Variants in HPSE2 observed in about 807,000 individuals in gnomAD.
HPSE2 encodes heparanase 2 (inactive), also known as inactive heparanase-2.
In HPSE2, 38 loss-of-function variants were observed where a neutral mutation model predicts 60.5. The ratio of observed to expected loss-of-function variants is 0.63; its 90% CI spans 0.48 to 0.82. HPSE2 has a LOEUF of 0.82. Among genes scored for constraint, HPSE2 ranks in the 40% least tolerant of loss-of-function variants. The pLI, the probability that HPSE2 is intolerant of heterozygous loss-of-function variation, is 0.00. For synonymous variants in HPSE2, 295 were observed against 293.2 expected (o/e 1.01, Z -0.06); for missense variants, 713 against 740.4 (o/e 0.96, Z 0.43).
chr10:98,598,356 G>C (rs949416153), intron 9 of HPSE2, among the ~76,000 whole-genome samples: 1 of 151,802 alleles, frequency 6.6e-6, no homozygotes, highest in African/African-American at 2.4e-5. Flanking sequence ...AGTCCTCAGG[G>C]CTGGGCCTGG....
intron 3 of HPSE2, among the ~76,000 whole-genome samples, chr10:98,785,579 C>T (rs1454613004): frequency 1.6e-5 from 2 of 122,982 alleles, no homozygotes; most frequent in Non-Finnish European, 3.4e-5. Flanking sequence ...GTCCTGGACT[C>T]TTTTTGGTTG....
At chr10:99,307,460 C>T in the HPSE2 span, among the ~76,000 whole-genome samples, 1 of 152,130 alleles carries the variant, frequency 6.6e-6, no homozygotes, top group African/African-American at 2.4e-5. Flanking sequence ...TGATACATGG[C>T]CCATCACTCA....
At chr10:99,194,621 G>A (rs936606575) in intron 2 of HPSE2, among the ~76,000 whole-genome samples, 26 of 151,042 alleles carry the variant, frequency 1.7e-4, no homozygotes, top group African/African-American at 4.9e-5. Context: ...GGCTACCTGA[G>A]AAACTACATG....
chr10:98,559,009 A>C (rs966664919), intron 9 of HPSE2, among the ~76,000 whole-genome samples: 7 of 152,140 alleles, frequency 4.6e-5, no homozygotes, highest in African/African-American at 1.7e-4. Context: ...TGTCCCTGGG[A>C]ATCGAAGCCT....
At chr10:98,817,792 T>C (rs183213684) in intron 3 of HPSE2, among the ~76,000 whole-genome samples, 1 of 152,328 alleles carries the variant, frequency 6.6e-6, no homozygotes, top group Admixed American at 6.5e-5. Flanking sequence ...TCCTATACAC[T>C]TTGGACAAAA....
At chr10:98,872,216 T>C (rs532256303) in intron 3 of HPSE2, among the ~76,000 whole-genome samples, 1 of 152,152 alleles carries the variant, frequency 6.6e-6, no homozygotes, top group South Asian at 2.1e-4. Context: ...AAATGGAATA[T>C]AATCAAATTC....
At chr10:99,021,669 C>G (rs1957266128) in intron 3 of HPSE2, among the ~76,000 whole-genome samples, 2 of 152,028 alleles carry the variant, frequency 1.3e-5, no homozygotes, top group Middle Eastern at 6.8e-3. Flanking sequence ...AATGCAAGTC[C>G]TTTCCAATTT....
At chr10:98,671,596 C>T (rs1310999006) in intron 6 of HPSE2, among the ~76,000 whole-genome samples, 2 of 152,128 alleles carry the variant, frequency 1.3e-5, no homozygotes, top group African/African-American at 4.8e-5. Flanking sequence ...TTTGCTAATA[C>T]ACTTTGTAAT....
At chr10:98,951,001 G>C (rs1225842337) in intron 3 of HPSE2, among the ~76,000 whole-genome samples, 1 of 152,144 alleles carries the variant, frequency 6.6e-6, no homozygotes, top group Non-Finnish European at 1.5e-5. Flanking sequence ...AAGTTCACGA[G>C]ATGACAATCC....
chr10:98,566,890 G>C (rs1371925361), intron 9 of HPSE2, among the ~76,000 whole-genome samples: 1 of 152,122 alleles, frequency 6.6e-6, no homozygotes, highest in Non-Finnish European at 1.5e-5. Flanking sequence ...ATTATAGAAG[G>C]TCAAATTCTT....
chr10:98,497,536 G>T (rs1208137270), intron 9 of HPSE2, among the ~76,000 whole-genome samples: 4 of 151,966 alleles, frequency 2.6e-5, no homozygotes, highest in Non-Finnish European at 4.4e-5. Context: ...AATATCTACA[G>T]ATTCAAGTCT....
chr10:98,531,224 T>C (rs1187326887), intron 9 of HPSE2, among the ~76,000 whole-genome samples: 2 of 152,180 alleles, frequency 1.3e-5, no homozygotes, highest in African/African-American at 4.8e-5. Flanking sequence ...CAATGGATTC[T>C]GACAAAAGAA....
At chr10:99,056,584 T>C (rs540161951) in intron 3 of HPSE2, among the ~76,000 whole-genome samples, 2 of 152,250 alleles carry the variant, frequency 1.3e-5, no homozygotes, top group African/African-American at 2.4e-5. Flanking sequence ...CTGGAACAAT[T>C]GAATAAACAT....
At chr10:99,136,870 A>G (rs986788166) in intron 3 of HPSE2, among the ~76,000 whole-genome samples, 8 of 152,190 alleles carry the variant, frequency 5.3e-5, no homozygotes, top group African/African-American at 1.9e-4. Flanking sequence ...TACTCAACAT[A>G]CTATTGGAAG....
intron 2 of HPSE2, among the ~76,000 whole-genome samples, chr10:99,186,043 G>C (rs1193474701): frequency 1.3e-5 from 2 of 150,264 alleles, no homozygotes; most frequent in Non-Finnish European, 3.0e-5. Context: ...CAAAATTAGT[G>C]ACAGACAATA....
At chr10:98,723,729 T>C (rs1463006316) in intron 4 of HPSE2, among the ~76,000 whole-genome samples, 1 of 152,236 alleles carries the variant, frequency 6.6e-6, no homozygotes, top group Non-Finnish European at 1.5e-5. Flanking sequence ...CCATTACTTC[T>C]AGATTTTCTA....
At chr10:98,878,603 A>C (rs954046107) in intron 3 of HPSE2, among the ~76,000 whole-genome samples, 2 of 151,956 alleles carry the variant, frequency 1.3e-5, no homozygotes, top group African/African-American at 4.8e-5. Flanking sequence ...ATTAGAATGA[A>C]AATAGGAGTT....
intron 2 of HPSE2, among the ~76,000 whole-genome samples, chr10:99,202,509 C>T (rs528524448): frequency 2.0e-5 from 3 of 152,272 alleles, no homozygotes; most frequent in South Asian, 4.1e-4. Context: ...AGTTATTTAA[C>T]CCCTGCTGAA....
chr10:98,466,482 G>A (rs1006644981), intron 11 of HPSE2, among the ~76,000 whole-genome samples: 4 of 151,932 alleles, frequency 2.6e-5, no homozygotes, highest in Non-Finnish European at 2.9e-5. Flanking sequence ...GTGGTGGTAG[G>A]TGCCTGTAAT....
Sources: gnomAD v4.1 joint callset for allele counts (sites outside exome capture counted in the v4.1 genomes callset) on GRCh38, gnomAD v4.1.1 for gene constraint, MANE v1.5 for transcripts, NCBI Gene and HGNC (gene_info 2026-07-23, HGNC 2026-07-21) for gene names.